Variants in RFPL1 observed in about 807,000 individuals in gnomAD.
The protein encoded by RFPL1 is ret finger protein like 1.
RFPL1 carries 6 observed loss-of-function variants against 9.6 expected under a neutral mutation model. The observed-to-expected ratio is 0.62, with a 90% CI of 0.34 to 1.23. The LOEUF is 1.23. RFPL1 is among the 50% of genes most tolerant of loss of function. RFPL1 has a pLI of 0.03. For synonymous variants in RFPL1, 145 were observed against 149.4 expected, an observed-to-expected ratio of 0.97 and a Z score of 0.22; for missense variants, 352 against 398.4, an observed-to-expected ratio of 0.88 and a Z score of 0.99.
the RFPL1 span, among the ~76,000 whole-genome samples, chr22:29,390,882 G>GCCA: frequency 6.6e-6 from 1 of 151,604 alleles, no homozygotes; most frequent in African/African-American, 2.4e-5. Flanking sequence ...ACAGGTGTGA[G>GCCA]CCACCGTGCC....
At chr22:29,403,075 C>T in the RFPL1 span, among the ~76,000 whole-genome samples, 5 of 151,626 alleles carry the variant, frequency 3.3e-5, no homozygotes, top group Non-Finnish European at 5.9e-5. Context: ...TGACTACACT[C>T]TCACGACTGT....
chr22:29,389,270 C>T, the RFPL1 span, among the ~76,000 whole-genome samples: 2 of 152,106 alleles, frequency 1.3e-5, no homozygotes, highest in Non-Finnish European at 2.9e-5. Context: ...TACCTGTAGT[C>T]CCAGCTACTC....
At chr22:29,442,006 C>T (rs779652740) in exon 2 of RFPL1, 4 of 1,614,130 alleles carry the variant, frequency 2.5e-6, no homozygotes, top group Non-Finnish European at 3.4e-6. Flanking sequence ...GGAGCCACTG[C>T]ACTTGTTTTT....
At chr22:29,428,077 A>G in the RFPL1 span, among the ~76,000 whole-genome samples, 2 of 152,176 alleles carry the variant, frequency 1.3e-5, no homozygotes, top group Admixed American at 1.3e-4. Flanking sequence ...AAGAAAGTGG[A>G]TTTGTCAGCT....
chr22:29,417,416 TG>T, the RFPL1 span, among the ~76,000 whole-genome samples: 93 of 150,478 alleles, frequency 6.2e-4, 2 homozygotes, highest in South Asian at 0.019. Context: ...GTCCTTTGCT[TG>T]GGGGGTGATC....
chr22:29,405,275 G>A, the RFPL1 span, among the ~76,000 whole-genome samples: 2 of 152,110 alleles, frequency 1.3e-5, no homozygotes, highest in Non-Finnish European at 2.9e-5. Context: ...ACAGGACTGG[G>A]GGACGCAGCA....
At chr22:29,437,953 A>T (rs373049252), upstream of RFPL1, 50 of 264,508 alleles carry the variant, frequency 1.9e-4, no homozygotes, top group East Asian at 3.2e-4. Context: ...GAAGGATGTG[A>T]TTTTTTTTTT....
At chr22:29,426,640 T>G in the RFPL1 span, among the ~76,000 whole-genome samples, 3 of 152,028 alleles carry the variant, frequency 2.0e-5, no homozygotes, top group Non-Finnish European at 2.9e-5. Flanking sequence ...TCCCAACTAC[T>G]CAGGAGGCTA....
At chr22:29,412,773 C>G in the RFPL1 span, among the ~76,000 whole-genome samples, 1 of 152,094 alleles carries the variant, frequency 6.6e-6, no homozygotes, top group East Asian at 1.9e-4. Flanking sequence ...CACAGCCTGT[C>G]CAGCCTATTG....
chr22:29,410,407 C>A, the RFPL1 span, among the ~76,000 whole-genome samples: 6,410 of 41,982 alleles, frequency 0.15, 779 homozygotes, highest in East Asian at 0.38. Flanking sequence ...AGATATATAT[C>A]TATATATATA....
At chr22:29,409,777 G>A in the RFPL1 span, among the ~76,000 whole-genome samples, 1 of 152,028 alleles carries the variant, frequency 6.6e-6, no homozygotes, top group African/African-American at 2.4e-5. Flanking sequence ...GAACATCAAG[G>A]GAATATCATA....
the RFPL1 span, among the ~76,000 whole-genome samples, chr22:29,418,926 C>G: frequency 6.6e-6 from 1 of 152,200 alleles, no homozygotes; most frequent in African/African-American, 2.4e-5. Flanking sequence ...GCTGCCTTTC[C>G]CACCTACTCC....
At chr22:29,423,455 A>G in the RFPL1 span, among the ~76,000 whole-genome samples, 2 of 151,872 alleles carry the variant, frequency 1.3e-5, no homozygotes, top group African/African-American at 4.8e-5. Context: ...GGCTCAGCCA[A>G]TCCTCCTGCC....
chr22:29,412,463 G>A, the RFPL1 span, among the ~76,000 whole-genome samples: 8 of 152,000 alleles, frequency 5.3e-5, no homozygotes, highest in Non-Finnish European at 7.4e-5. Flanking sequence ...AAAGGGGTGG[G>A]GACTGACCCT....
At chr22:29,389,148 C>T in the RFPL1 span, among the ~76,000 whole-genome samples, 131 of 152,230 alleles carry the variant, frequency 8.6e-4, no homozygotes, top group Middle Eastern at 0.01. Flanking sequence ...CTCGGCTTCC[C>T]AAAGTGCTGG....
exon 2 of RFPL1, chr22:29,441,792 T>C (rs762825785): frequency 1.2e-6 from 2 of 1,613,950 alleles, no homozygotes; most frequent in Admixed American, 1.7e-5. Flanking sequence ...GGAGGATCCA[T>C]CTGACCACAG....
chr22:29,420,697 A>G, the RFPL1 span, among the ~76,000 whole-genome samples: 12 of 131,920 alleles, frequency 9.1e-5, no homozygotes, highest in Non-Finnish European at 1.2e-4. Flanking sequence ...CTGGAGTGCA[A>G]CGGTGCGATC....
the RFPL1 span, among the ~76,000 whole-genome samples, chr22:29,423,394 T>TTTTTTC: frequency 6.6e-6 from 1 of 150,836 alleles, no homozygotes; most frequent in Admixed American, 6.6e-5. Context: ...TTTTTTTTTT[T>TTTTTTC]CTTCAGAGAT....
the RFPL1 span, among the ~76,000 whole-genome samples, chr22:29,418,496 C>CTTTTTTT: frequency 5.6e-5 from 7 of 124,474 alleles, no homozygotes; most frequent in Non-Finnish European, 8.6e-5. Context: ...TCTTCGTCTT[C>CTTTTTTT]TTTTTTTTTT....
Sources: allele counts gnomAD v4.1 joint callset (sites outside exome capture counted in the v4.1 genomes callset), GRCh38; gene constraint gnomAD v4.1.1; transcripts MANE v1.5; gene names NCBI Gene and HGNC (gene_info 2026-07-23, HGNC 2026-07-21).